Variants in PFKFB1 observed in about 807,000 individuals in gnomAD.
PFKFB1 encodes 6-phosphofructo-2-kinase/fructose-2,6-bisphosphatase 1.
Under a neutral mutation model 46.4 loss-of-function variants are expected in PFKFB1, and 34 were observed. The observed-to-expected ratio is 0.73, with a 90% CI of 0.56 to 0.98. The LOEUF is 0.98. Among genes scored for constraint, PFKFB1 ranks in the 50% least tolerant of loss-of-function variants. The probability of loss-of-function intolerance (pLI) is 0.00; values close to 1 mark genes in which losing one functional copy is unlikely to be tolerated. For missense variants in PFKFB1, 393 were observed against 376.3 expected (o/e 1.04, Z -0.37); for synonymous variants, 119 against 133.8 (o/e 0.89, Z 0.76).
chrX:54,939,837 C>T (rs748111299), intron 10 of PFKFB1, among the ~76,000 whole-genome samples: 96 of 111,944 alleles, frequency 8.6e-4, no homozygotes, highest in African/African-American at 2.9e-3. Flanking sequence ...GGTACCATTC[C>T]GTCTGAAACT....
At chrX:54,993,594 TA>T (rs766057317) in intron 1 of PFKFB1, among the ~76,000 whole-genome samples, 32 of 112,231 alleles carry the variant, frequency 2.9e-4, no homozygotes, top group African/African-American at 1.0e-3. Flanking sequence ...TGAACAGTCC[TA>T]AACTAGAAAT....
At chrX:54,993,371 C>T (rs1569547469) in intron 1 of PFKFB1, among the ~76,000 whole-genome samples, 3 of 111,675 alleles carry the variant, frequency 2.7e-5, no homozygotes, top group African/African-American at 9.8e-5. Context: ...TAAGTGTTTC[C>T]CAACCTAGGC....
intron 1 of PFKFB1, among the ~76,000 whole-genome samples, chrX:54,992,157 G>A (rs768001457): frequency 1.2e-3 from 136 of 111,768 alleles, no homozygotes; most frequent in African/African-American, 4.2e-3. Flanking sequence ...GTGAGTGGTA[G>A]AGTGGAAGTA....
At chrX:54,969,657 T>C (rs1934585125) in intron 1 of PFKFB1, among the ~76,000 whole-genome samples, 1 of 111,930 alleles carries the variant, frequency 8.9e-6, no homozygotes, top group Non-Finnish European at 1.9e-5. Context: ...ATAAAGAATA[T>C]TTACAAAAAA....
At chrX:54,989,699 A>G (rs1031879921) in intron 1 of PFKFB1, among the ~76,000 whole-genome samples, 1 of 112,303 alleles carries the variant, frequency 8.9e-6, no homozygotes, top group Non-Finnish European at 1.9e-5. Context: ...GATTTCAAAG[A>G]ACTGAAATAA....
intron 10 of PFKFB1, among the ~76,000 whole-genome samples, chrX:54,940,422 C>G (rs952132510): frequency 9.0e-6 from 1 of 111,455 alleles, no homozygotes; most frequent in African/African-American, 3.3e-5. Context: ...AAATAAAGGG[C>G]ATTCAATTAG....
At chrX:54,973,902 G>C (rs1934759767) in intron 1 of PFKFB1, among the ~76,000 whole-genome samples, 1 of 110,839 alleles carries the variant, frequency 9.0e-6, no homozygotes, top group Non-Finnish European at 1.9e-5. Context: ...AAAATCTTTA[G>C]GTATAACACC....
chrX:54,951,861 G>T, intron 8 of PFKFB1, 44 bp downstream of exon 8: 1 of 1,106,254 alleles, frequency 9.0e-7, no homozygotes, highest in Non-Finnish European at 1.2e-6. Context: ...AGCCCACCTA[G>T]GACAGCCCAG....
chrX:54,947,112 A>G (rs1242582026), intron 9 of PFKFB1, among the ~76,000 whole-genome samples: 3 of 111,024 alleles, frequency 2.7e-5, no homozygotes, highest in Non-Finnish European at 5.7e-5. Flanking sequence ...GAAGCTCCCT[A>G]TCCCTGTCTC....
intron 4 of PFKFB1, among the ~76,000 whole-genome samples, chrX:54,959,272 C>A (rs982818643): frequency 2.7e-5 from 3 of 110,104 alleles, no homozygotes; most frequent in African/African-American, 9.9e-5. Flanking sequence ...AGAACTGGTT[C>A]TCTCAATTCC....
chrX:54,977,049 G>A (rs1050264508), intron 1 of PFKFB1, among the ~76,000 whole-genome samples: 1 of 110,177 alleles, frequency 9.1e-6, no homozygotes, highest in African/African-American at 3.3e-5. Context: ...TGTTCTATAC[G>A]GTACTATGGA....
intron 10 of PFKFB1, among the ~76,000 whole-genome samples, chrX:54,943,738 G>A (rs1195679335): frequency 1.8e-5 from 2 of 109,255 alleles, no homozygotes; most frequent in Non-Finnish European, 3.8e-5. Flanking sequence ...GTGAAAGAGC[G>A]AGACTCCGTC....
At chrX:54,995,697 A>G (rs1935347159), upstream of PFKFB1, among the ~76,000 whole-genome samples, 1 of 112,528 alleles carries the variant, frequency 8.9e-6, no homozygotes, top group Admixed American at 9.4e-5. Context: ...TGAAGATTCA[A>G]TGTGTTAAAA....
At chrX:54,984,919 TTGCTCACAGGG>T (rs1372557937) in intron 1 of PFKFB1, among the ~76,000 whole-genome samples, 1 of 110,704 alleles carries the variant, frequency 9.0e-6, no homozygotes, top group East Asian at 2.8e-4. Context: ...TCATTCCATC[TTGCTCACAGGG>T]TAGGTTCCAC....
chrX:54,987,090 T>G (rs1935131187), intron 1 of PFKFB1, among the ~76,000 whole-genome samples: 1 of 109,975 alleles, frequency 9.1e-6, no homozygotes, highest in East Asian at 2.9e-4. Flanking sequence ...ATTAATAAAT[T>G]CAGGAAAAAA....
intron 1 of PFKFB1, among the ~76,000 whole-genome samples, chrX:54,977,425 CAAAT>C (rs1188587281): frequency 7.3e-4 from 80 of 109,943 alleles, no homozygotes; most frequent in African/African-American, 1.2e-3. Context: ...AACAAACAAA[CAAAT>C]AAATAAATAA....
intron 10 of PFKFB1, among the ~76,000 whole-genome samples, chrX:54,938,956 C>T (rs1008462123): frequency 2.1e-4 from 24 of 111,713 alleles, no homozygotes; most frequent in Non-Finnish European, 3.8e-4. Flanking sequence ...AGCACCACAC[C>T]GCACTTATTC....
chrX:54,983,267 C>T (rs1255698747), intron 1 of PFKFB1, among the ~76,000 whole-genome samples: 2 of 111,115 alleles, frequency 1.8e-5, no homozygotes, highest in African/African-American at 6.5e-5. Context: ...CCCAGGTGTA[C>T]CTATTACCTA....
chrX:54,996,462 G>A (rs368039846), upstream of PFKFB1, among the ~76,000 whole-genome samples: 3 of 112,363 alleles, frequency 2.7e-5, no homozygotes, highest in African/African-American at 9.7e-5. Flanking sequence ...ACAGGCAGAA[G>A]GATAATTTTA....
Sources: allele counts gnomAD v4.1 joint callset (sites outside exome capture counted in the v4.1 genomes callset), GRCh38; gene constraint gnomAD v4.1.1; transcripts MANE v1.5; gene names NCBI Gene and HGNC (gene_info 2026-07-23, HGNC 2026-07-21).